The following LCP2 variants were observed in gnomAD, a reference collection of about 807,000 sequenced individuals.
LCP2 encodes the protein lymphocyte cytosolic protein 2.
A neutral mutation model predicts 74.5 loss-of-function variants in LCP2; 29 were observed. The ratio of observed to expected loss-of-function variants is 0.39; its 90% CI spans 0.29 to 0.53. The LOEUF is 0.53. Ranked by LOEUF, LCP2 falls within the 20% of genes least tolerant of loss-of-function variation. LCP2 has a pLI of 0.72. For missense variants in LCP2, 604 were observed against 634.6 expected (o/e 0.95, Z 0.52); for synonymous variants, 228 against 229.5 (o/e 0.99, Z 0.06).
At position 170,277,552 on chromosome 5, in the gene LCP2, GC is replaced by G. The variant is rs1250488579; in HGVS notation, c.189-1693del. 8.6e-5 allele frequency among the ~76,000 whole-genome samples: 13 copies of G among 151,798 alleles called. 1 individual carries two copies. Among genetic ancestry groups the G allele is most frequent in the Non-Finnish European group, 1.5e-5 (1 of 67,874 alleles). ...CACTGAGGTCAGGAGTTCGAGACCA[GC>G]CTGGCCAACATGGTGAAACCCCGTC... On this transcript the variant is annotated intron_variant, in intron 3 of 20. Coordinates refer to ENST00000046794, the MANE Select transcript of LCP2 (RefSeq NM_005565.5).
chr5:170,293,123 A>T (rs2113217989), intron 2 of LCP2, among the ~76,000 whole-genome samples, 187 bp downstream of exon 2: 1 of 152,322 alleles, frequency 6.6e-6, no homozygotes, highest in Non-Finnish European at 1.5e-5. Flanking sequence ...TAAGTGGAAG[A>T]TCAGAGAGGG....
intron 2 of LCP2, among the ~76,000 whole-genome samples, chr5:170,291,143 G>A (rs550000304): frequency 1.3e-5 from 2 of 148,326 alleles, no homozygotes; most frequent in South Asian, 4.4e-4. Context: ...GAGGACAAGG[G>A]AAGGGGAGAG....
intron 3 of LCP2, among the ~76,000 whole-genome samples, chr5:170,286,023 G>A (rs1035293304): frequency 3.9e-5 from 6 of 152,244 alleles, no homozygotes; most frequent in Non-Finnish European, 7.3e-5. Context: ...CTCGGTGTCT[G>A]ATGCTCAATG....
In LCP2 at chr5:170,289,617, T is replaced by TTCTTTTTC. The variant is rs1350461834; in HGVS notation, c.142-1602_142-1601insGAAAAAGA. Among the ~76,000 whole-genome samples the TTCTTTTTC allele has an allele frequency of 3.4e-4, 41 of 122,226 alleles. No individual in the cohort carries two copies. In the East Asian group the frequency reaches 4.3e-3, roughly 13 times the overall value. 80.2% of individuals were successfully genotyped at this position (122,226 alleles called of 152,430 possible). A position where few individuals can be genotyped will look rare whatever the true frequency, so the allele number is the denominator to read the frequency against. On this transcript the variant is annotated intron_variant, in intron 2 of 20. Coordinates refer to ENST00000046794, the MANE Select transcript of LCP2 (RefSeq NM_005565.5). ...TTTCTTTCTTTCTTTCTTTCTTTCT[T>TTCTTTTTC]TTTCTTTCTTTCTTTCTTTCTTTCT...
At chr5:170,253,907 G>A (rs147760262) in intron 17 of LCP2, among the ~76,000 whole-genome samples, 1 of 152,176 alleles carries the variant, frequency 6.6e-6, no homozygotes. Flanking sequence ...AACTTTAGGA[G>A]AATGTTTCCT....
intron 2 of LCP2, among the ~76,000 whole-genome samples, chr5:170,291,743 G>C (rs1199631041): frequency 6.6e-6 from 1 of 152,212 alleles, no homozygotes; most frequent in African/African-American, 2.4e-5. Context: ...TACTTGCTCA[G>C]GGTGACCCAG....
At chr5:170,277,074 TAAAA>T (rs750930541) in intron 3 of LCP2, among the ~76,000 whole-genome samples, 9 of 91,138 alleles carry the variant, frequency 9.9e-5, no homozygotes, top group Admixed American at 2.5e-4. Context: ...GACTCCATCT[TAAAA>T]AAAAAAAAAA....
chr5:170,252,585 T>C, intron 18 of LCP2, 74 bp from the exon 19 acceptor site: 1 of 721,336 alleles, frequency 1.4e-6, no homozygotes, highest in South Asian at 1.7e-5. Context: ...AGCCTCTGAG[T>C]AATCATTTCC....
chr5:170,257,719 T>TC lies in LCP2; in HGVS notation c.1100+317dup, dbSNP rs1479342468. 3.3e-5 allele frequency among the ~76,000 whole-genome samples: 5 copies of TC among 152,270 alleles called. No homozygotes were observed. The East Asian group carries it at 9.7e-4, about 29-fold the overall frequency. ...TTCAAGTACTTAGACTAACTGGGTT[T>TC]CTTAATTATTGTTGTTTGTTTGAAC... On this transcript the variant is annotated intron_variant, in intron 16 of 20. Transcript: ENST00000046794.
At chr5:170,258,704 G>T (rs1702380) in intron 15 of LCP2, among the ~76,000 whole-genome samples, 162 bp downstream of exon 15, 97,657 of 152,098 alleles carry the variant, frequency 0.64, 33,291 homozygotes, top group African/African-American at 0.89. Flanking sequence ...TCCATTTTAC[G>T]ATAGTTATGC....
chr5:170,288,956 T>C (rs1490951067), intron 2 of LCP2, among the ~76,000 whole-genome samples: 2 of 152,116 alleles, frequency 1.3e-5, no homozygotes, highest in Non-Finnish European at 2.9e-5. Flanking sequence ...ATAGAACCAA[T>C]GATGAGCCAA....
Position 170,267,024 on chromosome 5 carries a change from G to C in LCP2, c.673C>G (p.His225Asp). The C allele has an allele frequency of 1.9e-6, 3 of 1,613,956 alleles. No homozygotes were observed. Among genetic ancestry groups the C allele is most frequent in the Middle Eastern group, 1.7e-4 (1 of 6,060 alleles). The change falls in exon 9 of 21, where the codon CAC becomes GAC. Residue 225 changes from histidine to aspartate, a missense_variant. Physicochemically the swap from His to Asp is moderately conservative, Grantham distance 81 (BLOSUM62 -1). Transcript: ENST00000046794. ...NHEEPSRSRN[H>D]KTAKLPAPSI... ...TTGTACTCACGCTTTGCCGTTTTGT[G>C]GTTTCTGCTTCTGCTGGGTTCTTCG...
At position 170,258,851 on chromosome 5, in the gene LCP2, T is replaced by G; in HGVS notation, c.970+15A>C. 1.3e-6 allele frequency: 2 copies of G among 1,579,252 alleles called. No homozygotes were observed. Among genetic ancestry groups the G allele is most frequent in the Non-Finnish European group, 1.7e-6 (2 of 1,155,390 alleles). On this transcript the variant is annotated intron_variant, in intron 15 of 20. Transcript: ENST00000046794. ...GAATGAGTTATAGGCTGTAAGAATG[T>G]GTTTCCGAACATACCATCATCTTCA...
intron 3 of LCP2, among the ~76,000 whole-genome samples, chr5:170,276,957 T>C (rs1230046249): frequency 6.6e-6 from 1 of 151,476 alleles, no homozygotes; most frequent in African/African-American, 2.4e-5. Context: ...GTGCCTGTGG[T>C]CCCAGCTACT....
chr5:170,267,681 A>C (rs908754291), intron 8 of LCP2, among the ~76,000 whole-genome samples: 1 of 151,454 alleles, frequency 6.6e-6, no homozygotes, highest in Admixed American at 6.6e-5. Context: ...TCTGATAACT[A>C]GCCCTAGTTG....
chr5:170,250,596 A>G (rs1761413518), intron 20 of LCP2, 134 bp downstream of exon 20: 1 of 689,522 alleles, frequency 1.5e-6, no homozygotes, highest in African/African-American at 1.8e-5. Flanking sequence ...TCTTCCAATA[A>G]ATGAAGGGCT....
At chr5:170,278,214 T>C (rs1384600529) in intron 3 of LCP2, among the ~76,000 whole-genome samples, 1 of 148,362 alleles carries the variant, frequency 6.7e-6, no homozygotes, top group Non-Finnish European at 1.5e-5. Flanking sequence ...AACTTAGAAG[T>C]GCTCAAGGTG....
At chr5:170,286,931 T>G (rs183213652) in intron 3 of LCP2, among the ~76,000 whole-genome samples, 1 of 152,350 alleles carries the variant, frequency 6.6e-6, no homozygotes, top group African/African-American at 2.4e-5. Flanking sequence ...ACAGACTATA[T>G]GTAGCCCTTA....
At chr5:170,266,485 A>T (rs1301547564) in intron 10 of LCP2, among the ~76,000 whole-genome samples, 1 of 152,206 alleles carries the variant, frequency 6.6e-6, no homozygotes, top group Non-Finnish European at 1.5e-5. Flanking sequence ...CTCTTGGCTG[A>T]AGGACAATGG....
Sources: allele counts gnomAD v4.1 joint callset (sites outside exome capture counted in the v4.1 genomes callset), GRCh38; gene constraint gnomAD v4.1.1; transcripts MANE v1.5; gene names NCBI Gene and HGNC (gene_info 2026-07-23, HGNC 2026-07-21).